Variants in SDK1 observed in about 807,000 individuals in gnomAD.
SDK1 encodes the protein sidekick cell adhesion molecule 1.
A neutral mutation model predicts 245.5 loss-of-function variants in SDK1; 157 were observed. The observed-to-expected ratio is 0.64, with a 90% confidence interval of 0.56 to 0.73. The LOEUF (loss-of-function observed/expected upper bound fraction) is 0.73, where lower values mean the gene tolerates loss of function less well. SDK1 is among the 30% of genes least tolerant of loss of function. The pLI, the probability that SDK1 is intolerant of heterozygous loss-of-function variation, is 0.00. For synonymous variants in SDK1, 1,647 were observed against 1,278.5 expected, an observed-to-expected ratio of 1.29 and a Z score of -6.15; for missense variants, 3,583 against 3,002.3, an observed-to-expected ratio of 1.19 and a Z score of -4.52.
rs182017808 is a variant in SDK1 at position 3,885,733 on chromosome 7, T to C, written c.847+64150T>C. ...TTAATTCCTGGCCTACTTTATTTCC[T>C]GTGATGCCGCCATGCCAAGCTGCAT... On this transcript the variant is annotated intron_variant, in intron 5 of 44. Coordinates refer to ENST00000404826, the MANE Select transcript of SDK1 (RefSeq NM_152744.4). 4.5e-3 allele frequency among the ~76,000 whole-genome samples: 685 copies of C among 152,376 alleles called. 6 individuals are homozygous for C. The highest frequency in any genetic ancestry group is 0.037 in the South Asian group (178 of 4,830).
intron 13 of SDK1, among the ~76,000 whole-genome samples, chr7:3,977,724 G>A (rs958041244): frequency 5.9e-5 from 9 of 152,244 alleles, no homozygotes; most frequent in Non-Finnish European, 1.0e-4. Flanking sequence ...TGCAGAGGAC[G>A]ACCATATCTT....
At chr7:3,517,098 A>G (rs1044321409) in intron 1 of SDK1, among the ~76,000 whole-genome samples, 1 of 152,184 alleles carries the variant, frequency 6.6e-6, no homozygotes. Flanking sequence ...TATGAAAATC[A>G]TTACTGAACC....
intron 17 of SDK1, among the ~76,000 whole-genome samples, chr7:4,048,965 G>C (rs567657483): frequency 6.6e-6 from 1 of 152,114 alleles, no homozygotes; most frequent in Non-Finnish European, 1.5e-5. Context: ...TTGAAACATA[G>C]TGGTATATAT....
At chr7:3,728,311 CCTT>C (rs1238346819) in intron 4 of SDK1, among the ~76,000 whole-genome samples, 1 of 152,228 alleles carries the variant, frequency 6.6e-6, no homozygotes, top group East Asian at 1.9e-4. Flanking sequence ...AGGGTTCACT[CCTT>C]CTGGGTATCT....
intron 4 of SDK1, among the ~76,000 whole-genome samples, chr7:3,819,759 T>C (rs901585639): frequency 6.6e-6 from 1 of 152,130 alleles, no homozygotes; most frequent in Non-Finnish European, 1.5e-5. Flanking sequence ...AACAGTAATA[T>C]ATCCTATGGG....
At chr7:4,102,276 C>A (rs1782605909) in intron 22 of SDK1, among the ~76,000 whole-genome samples, 1 of 152,164 alleles carries the variant, frequency 6.6e-6, no homozygotes, top group East Asian at 1.9e-4. Context: ...CTCCAGCCAC[C>A]TCCTCTCAGG....
intron 1 of SDK1, among the ~76,000 whole-genome samples, chr7:3,565,071 G>C (rs149821715): frequency 4.5e-4 from 68 of 152,078 alleles, no homozygotes; most frequent in Non-Finnish European, 8.8e-4. Flanking sequence ...GACAATCCAG[G>C]AGACAGGAAG....
intron 4 of SDK1, among the ~76,000 whole-genome samples, chr7:3,806,214 C>T (rs1562456812): frequency 2.0e-5 from 3 of 152,232 alleles, no homozygotes; most frequent in Admixed American, 1.3e-4. Context: ...GACAATCTTC[C>T]CATCTTTAGA....
chr7:3,366,085 T>C (rs1781083556), intron 1 of SDK1, among the ~76,000 whole-genome samples: 1 of 151,766 alleles, frequency 6.6e-6, no homozygotes, highest in Admixed American at 6.6e-5. Context: ...GTGTAGATAT[T>C]TTACCGATTC....
At chr7:3,404,121 T>C (rs1778988928) in intron 1 of SDK1, among the ~76,000 whole-genome samples, 1 of 151,630 alleles carries the variant, frequency 6.6e-6, no homozygotes. Context: ...AGACGTGAAG[T>C]GAGCTGATGC....
rs1261588878 is a variant in SDK1 at position 4,139,719 on chromosome 7, GTA to G, written c.4229-6001_4229-6000del. Among the ~76,000 whole-genome samples, 54 of 18,838 alleles carry G rather than the reference GTA, an allele frequency of 2.9e-3. 2 individuals are homozygous for G. Among genetic ancestry groups the G allele is most frequent in the Admixed American group, 7.1e-3 (13 of 1,838 alleles). The allele number at this position is 18,838 out of a possible 152,430, so 12.4% of individuals were successfully genotyped here. Reference sequence around the variant, plus strand: ...TGTGTGTGTGTATGTGTGTGTGTGTGTATGTGTGTGTGTGTGTATGTGTGTGT... The same window carrying G: ...TGTGTGTGTGTATGTGTGTGTGTGTGTGTGTGTGTGTGTGTATGTGTGTGT... On this transcript the variant is annotated intron_variant, in intron 28 of 44. Transcript: ENST00000404826.
intron 1 of SDK1, among the ~76,000 whole-genome samples, chr7:3,408,837 A>G (rs546706903): frequency 6.6e-6 from 1 of 152,350 alleles, no homozygotes; most frequent in South Asian, 2.1e-4. Context: ...ATAATAATGC[A>G]TTATAAAATA....
chr7:3,745,987 C>T (rs922642660), intron 4 of SDK1, among the ~76,000 whole-genome samples: 1 of 152,176 alleles, frequency 6.6e-6, no homozygotes, highest in African/African-American at 2.4e-5. Context: ...ATCACTTAAC[C>T]TCTCTGTAGA....
intron 1 of SDK1, among the ~76,000 whole-genome samples, chr7:3,401,942 T>A (rs2128573649): frequency 6.6e-6 from 1 of 152,318 alleles, no homozygotes; most frequent in Non-Finnish European, 1.5e-5. Flanking sequence ...TACGTATGTG[T>A]GTAGCTGTCT....
At chr7:3,311,169 A>AT (rs1779540959) in intron 1 of SDK1, among the ~76,000 whole-genome samples, 1 of 152,144 alleles carries the variant, frequency 6.6e-6, no homozygotes, top group African/African-American at 2.4e-5. Context: ...ACCTGGATAA[A>AT]TTGCAGGGCG....
At chr7:3,409,329 C>T (rs1206962125) in intron 1 of SDK1, among the ~76,000 whole-genome samples, 1 of 147,092 alleles carries the variant, frequency 6.8e-6, no homozygotes, top group East Asian at 2.0e-4. Context: ...CCTTTGAGGC[C>T]ATCTGAACAA....
intron 1 of SDK1, among the ~76,000 whole-genome samples, chr7:3,477,738 C>A (rs1412795697): frequency 6.6e-6 from 1 of 151,910 alleles, no homozygotes; most frequent in Non-Finnish European, 1.5e-5. Context: ...TGTCCCGAAC[C>A]TCTAGCTTAA....
intron 5 of SDK1, among the ~76,000 whole-genome samples, chr7:3,907,544 A>G (rs760745473): frequency 2.0e-5 from 3 of 152,274 alleles, no homozygotes; most frequent in Middle Eastern, 3.4e-3. Flanking sequence ...GTTTCTGCCT[A>G]TTGGCTCTTG....
intron 4 of SDK1, among the ~76,000 whole-genome samples, chr7:3,687,238 C>G (rs1212004031): frequency 6.7e-6 from 1 of 150,062 alleles, no homozygotes; most frequent in East Asian, 2.0e-4. Context: ...GTGGTGCGAT[C>G]TCAGCTCAGC....
Sources: allele counts gnomAD v4.1 joint callset (sites outside exome capture counted in the v4.1 genomes callset), GRCh38; gene constraint gnomAD v4.1.1; transcripts MANE v1.5; gene names NCBI Gene and HGNC (gene_info 2026-07-23, HGNC 2026-07-21).